BRF1: variants seen among roughly 807,000 people sequenced by gnomAD.
BRF1 encodes transcription factor IIIB 90 kDa subunit.
Under a neutral mutation model 81.7 loss-of-function variants are expected in BRF1, and 59 were observed. The observed-to-expected ratio is 0.72, with a 90% CI of 0.59 to 0.90. The LOEUF is 0.90. BRF1 is among the 40% of genes least tolerant of loss of function. The pLI is 0.00. For synonymous variants in BRF1, 491 were observed against 395.6 expected (o/e 1.24, Z -2.86); for missense variants, 1,050 against 936.3 (o/e 1.12, Z -1.58).
chr14:105,228,974 C>A (rs587759148), intron 6 of BRF1, 61 bp from the exon 7 acceptor site: 4 of 1,476,196 alleles, frequency 2.7e-6, no homozygotes, highest in Admixed American at 1.7e-5. Context: ...ACATCTGTGG[C>A]GGCCCAGGAC....
chr14:105,293,381 G>T (rs1294099342), intron 1 of BRF1, among the ~76,000 whole-genome samples: 1 of 152,224 alleles, frequency 6.6e-6, no homozygotes, highest in Admixed American at 6.5e-5. Context: ...TTCTAACTGT[G>T]AAGCCACTGA....
chr14:105,315,007 TG>T lies in BRF1; in HGVS notation c.-162+314del. The T allele has an allele frequency of 8.0e-7, 1 of 1,253,238 alleles. No individual in the cohort carries two copies. Among genetic ancestry groups the T allele is most frequent in the South Asian group, 1.6e-5 (1 of 62,322 alleles). 77.6% of individuals were successfully genotyped at this position (1,253,238 alleles called of 1,614,324 possible). On this transcript the variant is annotated intron_variant, in intron 1 of 17. Coordinates refer to the BRF1 transcript ENST00000327359. This position sits in a 1 kb window ranked among gnomAD's most constrained non-coding sequence, Gnocchi z 4.4. ...ATGAACCTGTTCGCCACCTGGGAGG[TG>T]GACGGCTCCAGCCCCAGCTGCGTGC...
Position 105,289,548 on chromosome 14 carries a change from C to T in BRF1, c.185-3172G>A, listed in dbSNP as rs1456250072. On this transcript the variant is annotated intron_variant, in intron 1 of 17. Transcript: ENST00000547530. Reference sequence around the variant, plus strand: ...ACTGATGAGCCAATTCTAAATTCTGCAGAAATCTGGCCCAGGCCTCCCCAG... The same window carrying T: ...ACTGATGAGCCAATTCTAAATTCTGTAGAAATCTGGCCCAGGCCTCCCCAG... Among the ~76,000 whole-genome samples the T allele has an allele frequency of 2.6e-5, 4 of 152,352 alleles. No homozygotes were observed. The East Asian group carries it at 5.8e-4, about 22-fold the overall frequency.
chr14:105,211,947 C>T (rs1443426211), intron 16 of BRF1, 166 bp downstream of exon 16: 4 of 1,029,246 alleles, frequency 3.9e-6, no homozygotes, highest in East Asian at 2.6e-5. Flanking sequence ...GGAGCTCCCA[C>T]CCTCGGGCCT....
At position 105,242,885 on chromosome 14, in the gene BRF1, G is replaced by A. The variant is rs971033207; in HGVS notation, c.545-1471C>T. Among the ~76,000 whole-genome samples, 16 of 152,304 alleles carry A rather than the reference G, an allele frequency of 1.1e-4. No individual in the cohort carries two copies. The East Asian group carries it at 3.1e-3, about 29-fold the overall frequency. ...AATCCCAACACTTTGGGAGATTAGG[G>A]CGGGTGGATGACCTGAGCTCAGGAG... is the stretch of plus-strand genomic sequence containing the variant. On this transcript the variant is annotated intron_variant, in intron 5 of 17. Transcript: ENST00000547530.
intron 5 of BRF1, chr14:105,242,257 C>T (rs1360678463): frequency 1.3e-5 from 2 of 151,930 alleles, no homozygotes; most frequent in African/African-American, 4.8e-5. Context: ...CTCACATGCC[C>T]CAAAATACAC....
upstream of BRF1, among the ~76,000 whole-genome samples, chr14:105,304,970 C>G (rs927783180): frequency 3.9e-5 from 6 of 152,234 alleles, no homozygotes; most frequent in African/African-American, 1.4e-4. Context: ...GTACACAGAG[C>G]CAAATCATAT....
intron 5 of BRF1, chr14:105,248,006 G>T (rs1035839979): frequency 2.0e-6 from 2 of 985,372 alleles, no homozygotes; most frequent in African/African-American, 3.5e-5. Flanking sequence ...AAGCTCCAGG[G>T]CTGCAGGCCC....
intron 15 of BRF1, among the ~76,000 whole-genome samples, chr14:105,215,957 A>G (rs1238715829): frequency 6.9e-6 from 1 of 144,910 alleles, no homozygotes; most frequent in Non-Finnish European, 1.5e-5. Context: ...ACACAGGCAC[A>G]CACACACATG....
Position 105,222,661 on chromosome 14 carries a change from C to T in BRF1, c.1049-747G>A, listed in dbSNP as rs1280298835. On this transcript the variant is annotated intron_variant, in intron 10 of 17. Transcript: ENST00000547530. ...TTTTTTTTTTTGAGACGGAGTCTCG[C>T]TCTGTCGCCCAGGCTGGAGTGCAGT... 1.3e-5 allele frequency: 2 copies of T among 151,830 alleles called. 1 individual carries two copies. The highest frequency in any genetic ancestry group is 4.2e-4 in the South Asian group (2 of 4,814). The allele number at this position is 151,830 out of a possible 1,614,324, so 9.4% of individuals were successfully genotyped here.
chr14:105,300,751 C>A lies in BRF1; in HGVS notation c.-122G>T. On this transcript the variant is annotated 5_prime_UTR_variant, in exon 1 of 18. Transcript: ENST00000547530. ...CCAGGCCTCGCCGCTCTCGCGAGGC[C>A]CCGCTCCAGCCGATTCGCAGCCGCA... is the stretch of plus-strand genomic sequence containing the variant. 1.3e-6 allele frequency: 1 copy of A among 744,942 alleles called. No homozygotes were observed. The highest frequency in any genetic ancestry group is 1.8e-6 in the Non-Finnish European group (1 of 559,370). 46.1% of individuals were successfully genotyped at this position (744,942 alleles called of 1,614,324 possible).
intron 10 of BRF1, among the ~76,000 whole-genome samples, chr14:105,222,839 A>G (rs1434748002): frequency 4.6e-5 from 7 of 152,132 alleles, no homozygotes; most frequent in African/African-American, 1.7e-4. Flanking sequence ...TGTGTTAGCC[A>G]GGATGGTCTT....
At chr14:105,215,726 AC>A (rs1891069867) in intron 15 of BRF1, among the ~76,000 whole-genome samples, 1 of 60,444 alleles carries the variant, frequency 1.7e-5, no homozygotes. Context: ...ACACACATGC[AC>A]ACACACACAC....
intron 10 of BRF1, among the ~76,000 whole-genome samples, chr14:105,225,184 G>A (rs189530830): frequency 2.7e-4 from 41 of 152,322 alleles, no homozygotes; most frequent in African/African-American, 9.6e-4. Flanking sequence ...CTGGGTTCCT[G>A]CAACAGCCTC....
Position 105,217,587 on chromosome 14 carries a change from C to T in BRF1, c.1729G>A (p.Ala577Thr). The T allele has an allele frequency of 1.2e-6, 2 of 1,613,480 alleles. No individual in the cohort carries two copies. Among genetic ancestry groups the T allele is most frequent in the Non-Finnish European group, 1.7e-6 (2 of 1,180,004 alleles). The change falls in exon 15 of 18, where the codon GCC becomes ACC. Residue 577 changes from alanine to threonine, a missense_variant. Physicochemically the swap from Ala to Thr is moderately conservative, Grantham distance 58. Around this residue, in one of 2 missense-constraint regions of BRF1, gnomAD observed 1,043 missense variants for 915.4 expected, o/e 1.14. Transcript: ENST00000547530. ...ARKLSRRRTP[A>T]SRSGADPVTS... ...ACAGGGTCAGCCCCACTTCTGCTGGCCGGCGTCCTCCTTCGTGACAGCTTC... is the reference window on the plus strand; with the variant it reads ...ACAGGGTCAGCCCCACTTCTGCTGGTCGGCGTCCTCCTTCGTGACAGCTTC...
chr14:105,275,004 C>A (rs1034279857), intron 2 of BRF1, among the ~76,000 whole-genome samples: 3 of 152,226 alleles, frequency 2.0e-5, no homozygotes, highest in Non-Finnish European at 2.9e-5. Context: ...CACAGTCCTC[C>A]TGCAAAGACT....
At chr14:105,304,963 C>T (rs1251769138), upstream of BRF1, among the ~76,000 whole-genome samples, 1 of 152,252 alleles carries the variant, frequency 6.6e-6, no homozygotes, top group Non-Finnish European at 1.5e-5. Context: ...TGGGTGGGTA[C>T]ACAGAGCCAA....
chr14:105,250,329 G>C, intron 5 of BRF1: 1 of 1,613,490 alleles, frequency 6.2e-7, no homozygotes, highest in Non-Finnish European at 8.5e-7. Flanking sequence ...TTTATTGCAG[G>C]GCTGGGCCTG....
intron 2 of BRF1, among the ~76,000 whole-genome samples, chr14:105,282,273 G>A (rs1255295301): frequency 1.3e-5 from 2 of 152,204 alleles, no homozygotes; most frequent in Non-Finnish European, 2.9e-5. Flanking sequence ...CAAAGGAGGG[G>A]CCTGTGACCT....
Sources: gnomAD v4.1 joint callset for allele counts (sites outside exome capture counted in the v4.1 genomes callset) on GRCh38, gnomAD v4.1.1 for gene constraint, gnomAD v4.1.1 regional missense constraint, Gnocchi (gnomAD v3.1) non-coding constraint, MANE v1.5 for transcripts, NCBI Gene and HGNC (gene_info 2026-07-23, HGNC 2026-07-21) for gene names.